The following HBS1L variants were observed in gnomAD, a reference collection of about 807,000 sequenced individuals.
HBS1L encodes the protein HBS1-like protein.
In HBS1L, 55 loss-of-function variants were observed where a neutral mutation model predicts 88.9. The ratio of observed to expected loss-of-function variants is 0.62; its 90% CI spans 0.50 to 0.77. The LOEUF is 0.77. HBS1L is among the 30% of genes least tolerant of loss of function. The probability of loss-of-function intolerance (pLI) is 0.00; values close to 1 mark genes in which losing one functional copy is unlikely to be tolerated. For missense variants in HBS1L, 741 were observed against 829.3 expected (o/e 0.89, Z 1.31); for synonymous variants, 267 against 288.5 (o/e 0.93, Z 0.76).
chr6:135,048,216 C>T (rs1776971849), intron 2 of HBS1L, among the ~76,000 whole-genome samples: 1 of 152,144 alleles, frequency 6.6e-6, no homozygotes, highest in Admixed American at 6.5e-5. Context: ...AGTATCACCC[C>T]AGCAATACTC....
intron 4 of HBS1L, among the ~76,000 whole-genome samples, chr6:135,028,719 A>G (rs559495965): frequency 2.0e-5 from 3 of 152,286 alleles, no homozygotes; most frequent in East Asian, 3.9e-4. Flanking sequence ...GTTCTTCATC[A>G]TAAGACTAGA....
At chr6:134,976,215 T>TGGGATAA (rs1774637907) in intron 15 of HBS1L, among the ~76,000 whole-genome samples, 3 of 152,086 alleles carry the variant, frequency 2.0e-5, no homozygotes, top group Admixed American at 1.3e-4. Flanking sequence ...GATACCACCT[T>TGGGATAA]ACTCCAGCCA....
chr6:135,021,390 T>G (rs1776066429), intron 4 of HBS1L, among the ~76,000 whole-genome samples: 2 of 152,110 alleles, frequency 1.3e-5, no homozygotes, highest in African/African-American at 2.4e-5. Context: ...TAAACTAAAT[T>G]ATACAGTATT....
chr6:134,985,261 A>G, intron 12 of HBS1L, 80 bp downstream of exon 12: 1 of 824,594 alleles, frequency 1.2e-6, no homozygotes, highest in East Asian at 2.6e-5. Context: ...ATACTGTCAT[A>G]ACTTAGTCCA....
At position 135,036,748 on chromosome 6, in the gene HBS1L, C is replaced by T. The variant is rs1016889963; in HGVS notation, c.430+2825G>A. Reference sequence around the variant, plus strand: ...TCGCTTGCAGCTTTTCAGTGGGTAACGAAGACACAGTGTTGAGGCAAAAGC... The same window carrying T: ...TCGCTTGCAGCTTTTCAGTGGGTAATGAAGACACAGTGTTGAGGCAAAAGC... On this transcript the variant is annotated intron_variant, in intron 4 of 17. Transcript: ENST00000367837. 6.5e-5 allele frequency: 101 copies of T among 1,551,048 alleles called. No homozygotes were observed. In the Admixed American group the frequency reaches 8.8e-4, roughly 14 times the overall value.
intron 15 of HBS1L, among the ~76,000 whole-genome samples, chr6:134,977,086 T>A (rs934460964): frequency 1.4e-4 from 21 of 152,040 alleles, no homozygotes; most frequent in African/African-American, 5.1e-4. Flanking sequence ...AAAAAATTTT[T>A]TTTCAAGTTT....
At chr6:135,005,384 C>T (rs1157272711) in intron 4 of HBS1L, among the ~76,000 whole-genome samples, 1 of 152,174 alleles carries the variant, frequency 6.6e-6, no homozygotes, top group African/African-American at 2.4e-5. Context: ...GACAGCCACA[C>T]ACTTCAGGGC....
intron 4 of HBS1L, among the ~76,000 whole-genome samples, chr6:135,020,568 C>A (rs959845959): frequency 6.6e-6 from 1 of 151,940 alleles, no homozygotes; most frequent in Non-Finnish European, 1.5e-5. Flanking sequence ...ATACAAAATC[C>A]TTCAGTGGAG....
At chr6:135,009,268 T>C (rs1775700191) in intron 4 of HBS1L, among the ~76,000 whole-genome samples, 1 of 152,208 alleles carries the variant, frequency 6.6e-6, no homozygotes, top group African/African-American at 2.4e-5. Flanking sequence ...CATGGTGCTA[T>C]TATCAAAAAG....
chr6:134,961,270 G>A lies in HBS1L; in HGVS notation c.*4009C>T, dbSNP rs1774183226. On this transcript the variant is annotated 3_prime_UTR_variant, in exon 18 of 18. Coordinates refer to ENST00000367837, the MANE Select transcript of HBS1L (RefSeq NM_006620.4). ...TCCCTATTTCATATCCCCATATTTGGTGCAATAATTTAATTCACTTACTTC... is the reference window on the plus strand; with the variant it reads ...TCCCTATTTCATATCCCCATATTTGATGCAATAATTTAATTCACTTACTTC... 6.6e-6 allele frequency: 1 copy of A among 151,778 alleles called. No homozygotes were observed. The allele number at this position is 151,778 out of a possible 1,614,324, so 9.4% of individuals were successfully genotyped here.
chr6:135,003,396 C>T (rs12527683), intron 4 of HBS1L, among the ~76,000 whole-genome samples: 71,675 of 151,512 alleles, frequency 0.47, 17,141 homozygotes, highest in East Asian at 0.53. Context: ...TGTAGAAAAA[C>T]TGAATTAAGA....
chr6:134,985,441 T>G (rs1239341523), intron 11 of HBS1L, 32 bp from the exon 12 acceptor site: 1 of 1,413,402 alleles, frequency 7.1e-7, no homozygotes, highest in Non-Finnish European at 9.8e-7. Flanking sequence ...AGGCAAGGTT[T>G]AATTTAAAAT....
intron 4 of HBS1L, among the ~76,000 whole-genome samples, chr6:135,015,261 T>C (rs1389053084): frequency 2.0e-5 from 3 of 152,172 alleles, no homozygotes; most frequent in Admixed American, 2.0e-4. Flanking sequence ...CCTCATAGAA[T>C]CCTTACATAG....
chr6:134,991,227 C>T (rs529279260), intron 8 of HBS1L, among the ~76,000 whole-genome samples: 9 of 152,208 alleles, frequency 5.9e-5, no homozygotes, highest in East Asian at 1.9e-4. Flanking sequence ...TGCTTAAGTC[C>T]CTTATACAAA....
At position 135,002,847 on chromosome 6, in the gene HBS1L, T is replaced by C; in HGVS notation, c.431-5A>G. 6.3e-7 allele frequency: 1 copy of C among 1,591,730 alleles called. No homozygotes were observed. Among genetic ancestry groups the C allele is most frequent in the Non-Finnish European group, 8.6e-7 (1 of 1,160,220 alleles). On this transcript the variant is annotated splice_polypyrimidine_tract_variant and splice_region_variant and intron_variant, in intron 4 of 17. Transcript: ENST00000367837. ...TCTGGGAATCTACTGGTTTTCCTAG[T>C]TAAGGAGTAAAATATAAAAGGCCAA...
rs549858580 is a variant in HBS1L at position 135,017,619 on chromosome 6, T to C, written c.431-14777A>G. ...TAAAAATTTATTCCACATTTAAAAA[T>C]ATATAAAGAAAAGGAGGAAAATATA... On this transcript the variant is annotated intron_variant, in intron 4 of 17. Coordinates refer to ENST00000367837, the MANE Select transcript of HBS1L (RefSeq NM_006620.4). Among the ~76,000 whole-genome samples the C allele has an allele frequency of 1.2e-4, 19 of 152,022 alleles. No individual in the cohort carries two copies. In the South Asian group the frequency reaches 3.7e-3, roughly 30 times the overall value.
chr6:135,009,561 A>G (rs902427155), intron 4 of HBS1L, among the ~76,000 whole-genome samples: 2 of 152,192 alleles, frequency 1.3e-5, no homozygotes, highest in African/African-American at 4.8e-5. Context: ...TCAAAAAAAA[A>G]GATCTTTTGC....
At chr6:134,979,712 A>G (rs1317823456) in intron 13 of HBS1L, among the ~76,000 whole-genome samples, 1 of 151,968 alleles carries the variant, frequency 6.6e-6, no homozygotes, top group African/African-American at 2.4e-5. Flanking sequence ...TTAGACAACC[A>G]CCTAAACAAA....
intron 1 of HBS1L, among the ~76,000 whole-genome samples, chr6:135,052,162 C>T (rs1777105887): frequency 6.6e-6 from 1 of 151,920 alleles, no homozygotes; most frequent in South Asian, 2.1e-4. Context: ...ATGCTTACAG[C>T]AAAGAAAAAT....
Sources: allele counts gnomAD v4.1 joint callset (sites outside exome capture counted in the v4.1 genomes callset), GRCh38; gene constraint gnomAD v4.1.1; transcripts MANE v1.5; gene names NCBI Gene and HGNC (gene_info 2026-07-23, HGNC 2026-07-21).